Variants in TRAPPC3 observed in about 807,000 individuals in gnomAD.
TRAPPC3 encodes the protein trafficking protein particle complex subunit 3, also known as trafficking protein particle complex 3.
In TRAPPC3, 5 loss-of-function variants were observed where a neutral mutation model predicts 18.2. That is an observed-to-expected ratio of 0.28 (90% CI 0.14 to 0.58). The LOEUF is 0.58. Among genes scored for constraint, TRAPPC3 ranks in the 20% least tolerant of loss-of-function variants. The pLI is 0.91. For missense variants in TRAPPC3, 176 were observed against 225.9 expected (o/e 0.78, Z 1.41); for synonymous variants, 65 against 84.2 (o/e 0.77, Z 1.25).
intron 1 of TRAPPC3, among the ~76,000 whole-genome samples, chr1:36,147,549 C>A (rs570688100): frequency 6.6e-6 from 1 of 151,482 alleles, no homozygotes; most frequent in African/African-American, 2.4e-5. Context: ...GAGGCTGAGG[C>A]GGGAGGACTG....
chr1:36,152,055 C>T (rs1442222613), upstream of TRAPPC3, among the ~76,000 whole-genome samples: 2 of 152,136 alleles, frequency 1.3e-5, no homozygotes, highest in African/African-American at 4.8e-5. Flanking sequence ...GAATGGGTGC[C>T]TATTCTCTCC....
At chr1:36,152,798 G>A (rs117121782), upstream of TRAPPC3, among the ~76,000 whole-genome samples, 2,455 of 151,994 alleles carry the variant, frequency 0.016, 148 homozygotes, top group East Asian at 0.21. Context: ...CTACAGGCAC[G>A]CACCACGATG....
chr1:36,149,815 T>A (rs1644255130), upstream of TRAPPC3, among the ~76,000 whole-genome samples: 7 of 152,244 alleles, frequency 4.6e-5, no homozygotes, highest in Admixed American at 4.6e-4. Context: ...TCGCCGGGGT[T>A]GGTCTTGGAA....
intron 1 of TRAPPC3, among the ~76,000 whole-genome samples, chr1:36,147,568 C>T (rs1025710265): frequency 5.9e-5 from 9 of 151,940 alleles, no homozygotes; most frequent in South Asian, 2.1e-4. Context: ...TGCTTGAACT[C>T]GGGAGGTCAG....
Position 36,140,098 on chromosome 1 carries a change from A to T in TRAPPC3, c.111T>A (p.Asp37Glu), listed in dbSNP as rs1271455799. 6.2e-7 allele frequency: 1 copy of T among 1,604,960 alleles called. No individual in the cohort carries two copies. Among genetic ancestry groups the T allele is most frequent in the South Asian group, 1.1e-5 (1 of 89,102 alleles). The stretch of plus-strand genomic sequence containing the variant: ...TGTCCAGCTGTTTATTCACATCTTC[A>T]TCATTTTCATAGTCCTTACATAGCT... ...VTQLCKDYEN[D>E]EDVNKQLDKM... The change falls in exon 2 of 5, where the codon GAT (aspartate) becomes GAA (glutamate). Residue 37 changes from aspartate to glutamate, a missense_variant. Physicochemically the swap from Asp to Glu is conservative, Grantham distance 45 (BLOSUM62 2). Coordinates refer to ENST00000373166, the MANE Select transcript of TRAPPC3 (RefSeq NM_014408.5).
At chr1:36,137,456 C>CA in intron 4 of TRAPPC3, 134 bp from the exon 5 acceptor site, 1 of 883,966 alleles carries the variant, frequency 1.1e-6, no homozygotes, top group Non-Finnish European at 1.7e-6. Context: ...ACAAGATTGA[C>CA]AGCGCCAACA....
chr1:36,149,025 C>G (rs1427918238), intron 1 of TRAPPC3: 1 of 1,261,362 alleles, frequency 7.9e-7, no homozygotes, highest in Admixed American at 3.3e-5. Context: ...GATGCTGTAA[C>G]GTGCGTGGCC....
At chr1:36,152,073 C>T (rs181153673), upstream of TRAPPC3, among the ~76,000 whole-genome samples, 343 of 152,222 alleles carry the variant, frequency 2.3e-3, no homozygotes, top group African/African-American at 7.9e-3. Flanking sequence ...TCCTCTGCCC[C>T]CACTGTGAGG....
At position 36,137,221 on chromosome 1, in the gene TRAPPC3, A is replaced by AAGATT; in HGVS notation, c.520_524dup (p.Pro176IlefsTer39). 1 of 1,610,498 alleles carries AAGATT rather than the reference A, an allele frequency of 6.2e-7. No homozygotes were observed. Among genetic ancestry groups the AAGATT allele is most frequent in the Non-Finnish European group, 8.5e-7 (1 of 1,176,918 alleles). On this transcript the variant is annotated frameshift_variant, in exon 5 of 5. Coordinates refer to ENST00000373166, the MANE Select transcript of TRAPPC3 (RefSeq NM_014408.5). LOFTEE classifies it high-confidence loss of function. ...GGGATGGTTATTCCTCTCCAGCTGG[A>AAGATT]AGATTGTCCTCAATCCGCCTGATGA...
chr1:36,155,441 G>A (rs1328512470), intron 1 of TRAPPC3: 4 of 152,320 alleles, frequency 2.6e-5, no homozygotes, highest in African/African-American at 9.7e-5. Flanking sequence ...GGGGTGATTG[G>A]CGGGGTCGTC....
In TRAPPC3 at chr1:36,137,272, G is replaced by A. The variant is rs765168012; in HGVS notation, c.474C>T (p.Asp158=). The A allele has an allele frequency of 8.7e-6, 14 of 1,613,148 alleles. No individual in the cohort carries two copies. The highest frequency in any genetic ancestry group is 2.2e-5 in the South Asian group (2 of 91,074). ...ATCTCATCCGGATTTCTGTCACACC[G>A]TCTCCTTTCAGGGTGTCCTGGACAA... is the stretch of plus-strand genomic sequence containing the variant. ...AKFVQDTLKG[D]GVTEIRMRFI... Residue 158 remains aspartate (D), a synonymous_variant, in exon 5 of 5, where the codon GAC becomes GAT. Transcript: ENST00000373166.
intron 1 of TRAPPC3, among the ~76,000 whole-genome samples, chr1:36,144,064 G>A (rs1391783429): frequency 6.6e-6 from 1 of 151,430 alleles, no homozygotes; most frequent in Non-Finnish European, 1.5e-5. Context: ...GAGGCGGGCG[G>A]ATCACCTGAG....
intron 1 of TRAPPC3, among the ~76,000 whole-genome samples, chr1:36,146,592 T>TA (rs58611478): frequency 0.11 from 8,746 of 82,866 alleles, 1,422 homozygotes; most frequent in East Asian, 0.38. Flanking sequence ...CCTACTTCAT[T>TA]AAAAAAAAAA....
chr1:36,146,850 C>G (rs1001727636), intron 1 of TRAPPC3, among the ~76,000 whole-genome samples: 1 of 152,222 alleles, frequency 6.6e-6, no homozygotes, highest in African/African-American at 2.4e-5. Context: ...GCATCTCCCA[C>G]AGCATCTAGC....
intron 4 of TRAPPC3, 152 bp downstream of exon 4, chr1:36,137,644 G>C: frequency 1.2e-6 from 1 of 832,984 alleles, no homozygotes; most frequent in East Asian, 2.7e-5. Flanking sequence ...AAAGATGTCC[G>C]ACTTGGATCC....
intron 1 of TRAPPC3, among the ~76,000 whole-genome samples, chr1:36,145,420 G>A (rs1644178864): frequency 6.6e-6 from 1 of 152,108 alleles, no homozygotes; most frequent in South Asian, 2.1e-4. Flanking sequence ...GCAGCTGGAG[G>A]AGGATCAATA....
At chr1:36,138,207 T>C (rs1039685844) in intron 3 of TRAPPC3, 3 of 1,548,440 alleles carry the variant, frequency 1.9e-6, no homozygotes, top group Non-Finnish European at 2.6e-6. Context: ...TGTTTTGTTT[T>C]GTTTTCCCAG....
Position 36,144,228 on chromosome 1 carries a change from C to T in TRAPPC3, c.43-4062G>A, listed in dbSNP as rs555615789. On this transcript the variant is annotated intron_variant, in intron 1 of 4. Transcript: ENST00000373166. ...GCTTGAACCCAGGAGGCGGAGGTTGCGGTAAGCCAAGATCATGCCACCGCA... is the reference window on the plus strand; with the variant it reads ...GCTTGAACCCAGGAGGCGGAGGTTGTGGTAAGCCAAGATCATGCCACCGCA... 5.7e-4 allele frequency among the ~76,000 whole-genome samples: 74 copies of T among 129,816 alleles called. 1 individual carries two copies. Among genetic ancestry groups the T allele is most frequent in the Non-Finnish European group, 6.8e-4 (44 of 64,724 alleles). 85.2% of individuals were successfully genotyped at this position (129,816 alleles called of 152,430 possible).
At chr1:36,149,726 C>T (rs1056245321), upstream of TRAPPC3, among the ~76,000 whole-genome samples, 1 of 152,216 alleles carries the variant, frequency 6.6e-6, no homozygotes, top group Non-Finnish European at 1.5e-5. Flanking sequence ...CTTCGGTAAT[C>T]CTGGGTCACA....
Sources: gnomAD v4.1 joint callset for allele counts (sites outside exome capture counted in the v4.1 genomes callset) on GRCh38, gnomAD v4.1.1 for gene constraint, MANE v1.5 for transcripts, NCBI Gene and HGNC (gene_info 2026-07-23, HGNC 2026-07-21) for gene names.